The following VPS13B variants were observed in gnomAD, a reference collection of about 807,000 sequenced individuals.
VPS13B encodes intermembrane lipid transfer protein VPS13B.
In VPS13B, 285 loss-of-function variants were observed where a neutral mutation model predicts 426.4. That is an observed-to-expected ratio of 0.67 (90% CI 0.61 to 0.74). VPS13B has a LOEUF of 0.74. VPS13B is among the 30% of genes least tolerant of loss of function. VPS13B has a pLI of 0.00. For missense variants in VPS13B, 4,537 were observed against 4,782.6 expected (o/e 0.95, Z 1.51); for synonymous variants, 1,676 against 1,676.4 (o/e 1.00, Z 0.01).
intron 35 of VPS13B, among the ~76,000 whole-genome samples, chr8:99,692,375 C>T (rs1831718150): frequency 7.3e-6 from 1 of 137,640 alleles, no homozygotes; most frequent in Non-Finnish European, 1.6e-5. Context: ...AACTAGAACT[C>T]AGGATTAAGA....
At chr8:99,271,238 AC>A (rs1818586828) in intron 17 of VPS13B, among the ~76,000 whole-genome samples, 1 of 150,974 alleles carries the variant, frequency 6.6e-6, no homozygotes, top group African/African-American at 2.4e-5. Context: ...TACTACTACT[AC>A]TACTACTACG....
intron 54 of VPS13B, among the ~76,000 whole-genome samples, chr8:99,844,227 A>G (rs1210475205): frequency 6.6e-6 from 1 of 152,180 alleles, no homozygotes; most frequent in Non-Finnish European, 1.5e-5. Flanking sequence ...TTATTGTCAC[A>G]GTTCTGGAGT....
At position 99,294,121 on chromosome 8, in the gene VPS13B, C is replaced by G. The variant is rs1309301218; in HGVS notation, c.2824+18867C>G. Among the ~76,000 whole-genome samples, 8 of 73,198 alleles carry G rather than the reference C, an allele frequency of 1.1e-4. No individual in the cohort carries two copies. The East Asian group carries it at 2.1e-3, about 19-fold the overall frequency. The allele number at this position is 73,198 out of a possible 152,430, so 48.0% of individuals were successfully genotyped here. On this transcript the variant is annotated intron_variant, in intron 19 of 61. Coordinates refer to ENST00000357162, the MANE Select transcript of VPS13B (RefSeq NM_152564.5). ...TTTATTGCGGCATTATTCACAATAG[C>G]AAAGACTTGGAACCAACCCAAATGT...
At chr8:99,484,039 G>A (rs1820177853) in intron 25 of VPS13B, among the ~76,000 whole-genome samples, 1 of 151,960 alleles carries the variant, frequency 6.6e-6, no homozygotes, top group Admixed American at 6.6e-5. Context: ...GCTATTTTGT[G>A]GAGAAAATAA....
chr8:99,317,622 A>T (rs985980311), intron 19 of VPS13B, among the ~76,000 whole-genome samples: 2 of 152,222 alleles, frequency 1.3e-5, no homozygotes, highest in Middle Eastern at 3.4e-3. Context: ...GTCCTCCCTT[A>T]ATTTGAAGTG....
At chr8:99,541,989 A>G (rs189119270) in intron 30 of VPS13B, among the ~76,000 whole-genome samples, 2 of 152,324 alleles carry the variant, frequency 1.3e-5, no homozygotes, top group Admixed American at 6.5e-5. Context: ...AAAAGTTTTC[A>G]AAAGAAGCAA....
chr8:99,159,284 A>G (rs996612421), intron 15 of VPS13B, among the ~76,000 whole-genome samples: 7 of 152,220 alleles, frequency 4.6e-5, no homozygotes, highest in African/African-American at 9.7e-5. Context: ...GGAGATGGCA[A>G]TTACTCCTGG....
chr8:99,548,027 C>T (rs550223273), intron 30 of VPS13B, among the ~76,000 whole-genome samples: 3 of 152,124 alleles, frequency 2.0e-5, no homozygotes, highest in South Asian at 2.1e-4. Context: ...AACAATATAA[C>T]GCTTTTTTAT....
At chr8:99,494,105 TA>T (rs1230831665) in intron 25 of VPS13B, among the ~76,000 whole-genome samples, 1 of 152,148 alleles carries the variant, frequency 6.6e-6, no homozygotes, top group Non-Finnish European at 1.5e-5. Flanking sequence ...ATCATGATTT[TA>T]TATTACTATA....
intron 19 of VPS13B, among the ~76,000 whole-genome samples, chr8:99,314,260 C>T (rs915801612): frequency 6.6e-6 from 1 of 152,154 alleles, no homozygotes; most frequent in African/African-American, 2.4e-5. Flanking sequence ...CTGCGTCGCT[C>T]ATGCTGGGAG....
chr8:99,677,158 C>T (rs896703076), intron 35 of VPS13B, among the ~76,000 whole-genome samples: 3 of 152,186 alleles, frequency 2.0e-5, no homozygotes, highest in African/African-American at 7.2e-5. Flanking sequence ...TAATTTATTT[C>T]TGTTCATCTT....
At chr8:99,330,557 A>T (rs1489661381) in intron 19 of VPS13B, among the ~76,000 whole-genome samples, 2 of 151,838 alleles carry the variant, frequency 1.3e-5, no homozygotes, top group Non-Finnish European at 2.9e-5. Context: ...TCCTAGCCCA[A>T]ATTAATTGTT....
At chr8:99,779,132 T>C in intron 42 of VPS13B, 101 bp downstream of exon 42, 1 of 1,156,512 alleles carries the variant, frequency 8.6e-7, no homozygotes, top group Non-Finnish European at 1.3e-6. Context: ...CAAACAAAAA[T>C]GTTAGAGAAT....
intron 30 of VPS13B, among the ~76,000 whole-genome samples, chr8:99,524,017 G>A (rs961187440): frequency 2.0e-5 from 3 of 152,104 alleles, no homozygotes; most frequent in African/African-American, 7.2e-5. Flanking sequence ...ATTCAGAATT[G>A]TATCAGATAA....
intron 16 of VPS13B, among the ~76,000 whole-genome samples, chr8:99,188,878 G>T (rs1813379277): frequency 6.6e-6 from 1 of 152,060 alleles, no homozygotes; most frequent in South Asian, 2.1e-4. Flanking sequence ...TTTGTCAAGT[G>T]TCTTTTCAGG....
intron 30 of VPS13B, among the ~76,000 whole-genome samples, chr8:99,540,142 C>T (rs541304727): frequency 4.9e-5 from 6 of 123,306 alleles, no homozygotes; most frequent in African/African-American, 9.4e-5. Context: ...TGCAGTGGTG[C>T]GATCTCGACT....
intron 22 of VPS13B, among the ~76,000 whole-genome samples, chr8:99,435,511 A>C (rs538193736): frequency 2.0e-5 from 3 of 152,318 alleles, no homozygotes; most frequent in East Asian, 1.9e-4. Flanking sequence ...AAGTAGGTAC[A>C]TCAATATTCC....
chr8:99,798,495 G>A (rs1032399444), intron 43 of VPS13B, among the ~76,000 whole-genome samples: 4 of 152,020 alleles, frequency 2.6e-5, no homozygotes, highest in African/African-American at 9.7e-5. Context: ...TTTATAAAAT[G>A]ACCAATTTCA....
At chr8:99,121,573 C>G (rs1057277446) in intron 8 of VPS13B, 128 bp downstream of exon 8, 1 of 1,479,460 alleles carries the variant, frequency 6.8e-7, no homozygotes, top group Admixed American at 2.4e-5. Flanking sequence ...TCTAACAGTT[C>G]TTACTTCATA....
Sources: gnomAD v4.1 joint callset for allele counts (sites outside exome capture counted in the v4.1 genomes callset) on GRCh38, gnomAD v4.1.1 for gene constraint, MANE v1.5 for transcripts, NCBI Gene and HGNC (gene_info 2026-07-23, HGNC 2026-07-21) for gene names.